Variants in ADAMTSL1 observed in about 807,000 individuals in gnomAD.
The protein encoded by ADAMTSL1 is ADAMTS like 1.
ADAMTSL1 carries 126 observed loss-of-function variants against 201.8 expected under a neutral mutation model. The ratio of observed to expected loss-of-function variants is 0.62; its 90% CI spans 0.54 to 0.72. The LOEUF (loss-of-function observed/expected upper bound fraction) is 0.72. Ranked by LOEUF, ADAMTSL1 falls within the 30% of genes least tolerant of loss-of-function variation. ADAMTSL1 has a pLI of 0.00. For synonymous variants in ADAMTSL1, 1,121 were observed against 903.4 expected, an observed-to-expected ratio of 1.24 and a Z score of -4.32; for missense variants, 2,679 against 2,277.8, an observed-to-expected ratio of 1.18 and a Z score of -3.59.
intron 1 of ADAMTSL1, among the ~76,000 whole-genome samples, chr9:17,999,730 A>G (rs991824352): frequency 2.0e-5 from 3 of 149,908 alleles, no homozygotes; most frequent in South Asian, 4.3e-4. Context: ...CATTAGGTGT[A>G]TCTCCCAATG....
At chr9:18,689,252 A>G (rs927219489) in intron 13 of ADAMTSL1, among the ~76,000 whole-genome samples, 3 of 152,170 alleles carry the variant, frequency 2.0e-5, no homozygotes, top group Non-Finnish European at 4.4e-5. Flanking sequence ...TGTATGCATA[A>G]ACATCACTAT....
At position 18,230,004 on chromosome 9, in the gene ADAMTSL1, C is replaced by A. The variant is rs188355959; in HGVS notation, c.207+66023C>A. On this transcript the variant is annotated intron_variant, in intron 2 of 29. Transcript: ENST00000680146. ...GTGCCACCGCACCCAGCCATTTAAC[C>A]AAAATTTATTGACCAATATTCCAGG... 2.0e-5 allele frequency among the ~76,000 whole-genome samples: 3 copies of A among 152,146 alleles called. No individual in the cohort carries two copies. The East Asian group carries it at 5.8e-4, about 29-fold the overall frequency.
Position 18,622,431 on chromosome 9 carries a change from C to CTGGCCCCACTA in ADAMTSL1, c.601+63_601+73dup, listed in dbSNP as rs767272348. The CTGGCCCCACTA allele has an allele frequency of 1.9e-6, 3 of 1,607,540 alleles. No individual in the cohort carries two copies. The South Asian group carries it at 3.3e-5, about 18-fold the overall frequency. On this transcript the variant is annotated intron_variant, in intron 5 of 28. Coordinates refer to ENST00000380548, the MANE Select transcript of ADAMTSL1 (RefSeq NM_001040272.6). ...TGACTTATCCTCTCCTGGCTTAGGT[C>CTGGCCCCACTA]TGGCCCCACTAAACAGCCAGGGAAC...
At chr9:17,997,707 C>T (rs1819440551) in intron 1 of ADAMTSL1, among the ~76,000 whole-genome samples, 1 of 151,918 alleles carries the variant, frequency 6.6e-6, no homozygotes, top group South Asian at 2.1e-4. Context: ...AGTAATATCT[C>T]CTGTGAAGGG....
intron 1 of ADAMTSL1, among the ~76,000 whole-genome samples, chr9:18,484,721 G>A (rs1246926112): frequency 6.6e-6 from 1 of 152,180 alleles, no homozygotes; most frequent in Non-Finnish European, 1.5e-5. Context: ...CTTTTATTAA[G>A]CAGGACTGTC....
At chr9:18,338,354 T>C (rs1260449060) in intron 2 of ADAMTSL1, among the ~76,000 whole-genome samples, 1 of 152,108 alleles carries the variant, frequency 6.6e-6, no homozygotes, top group Non-Finnish European at 1.5e-5. Flanking sequence ...TCCTTCCTAT[T>C]AGTGTCTGGT....
chr9:18,864,881 C>T (rs552499409), intron 23 of ADAMTSL1, among the ~76,000 whole-genome samples: 115 of 152,290 alleles, frequency 7.6e-4, no homozygotes, highest in African/African-American at 2.7e-3. Context: ...GGGGAACCCC[C>T]TGGTCTTTAG....
intron 2 of ADAMTSL1, among the ~76,000 whole-genome samples, chr9:18,197,985 C>T (rs1451132715): frequency 6.6e-6 from 1 of 152,056 alleles, no homozygotes; most frequent in Non-Finnish European, 1.5e-5. Flanking sequence ...TTTGACAAAC[C>T]TGAGAAAAAC....
chr9:18,121,409 A>G (rs967319022), intron 1 of ADAMTSL1, among the ~76,000 whole-genome samples: 19 of 152,168 alleles, frequency 1.2e-4, no homozygotes, highest in Non-Finnish European at 2.8e-4. Flanking sequence ...ATACCCACCC[A>G]CAATTTCATT....
intron 18 of ADAMTSL1, among the ~76,000 whole-genome samples, chr9:18,776,149 A>G (rs1820974297): frequency 6.6e-6 from 1 of 152,144 alleles, no homozygotes; most frequent in Non-Finnish European, 1.5e-5. Flanking sequence ...ACTTGCTGGC[A>G]TACAGAGATC....
intron 2 of ADAMTSL1, among the ~76,000 whole-genome samples, chr9:18,437,255 C>T (rs1193814259): frequency 1.3e-5 from 2 of 152,166 alleles, no homozygotes; most frequent in African/African-American, 4.8e-5. Flanking sequence ...GCTGCCAGAG[C>T]AGTCTTCTCT....
chr9:18,096,286 T>C (rs935325232), intron 1 of ADAMTSL1, among the ~76,000 whole-genome samples: 1 of 152,234 alleles, frequency 6.6e-6, no homozygotes, highest in African/African-American at 2.4e-5. Flanking sequence ...TGACTAAATA[T>C]AGTAATTACC....
chr9:18,587,365 A>C (rs930108447), intron 4 of ADAMTSL1, among the ~76,000 whole-genome samples: 1 of 152,180 alleles, frequency 6.6e-6, no homozygotes, highest in African/African-American at 2.4e-5. Flanking sequence ...GCTCAATATC[A>C]TTGATCATTA....
At chr9:18,904,751 T>TC (rs11378908) in intron 26 of ADAMTSL1, among the ~76,000 whole-genome samples, 4 of 147,918 alleles carry the variant, frequency 2.7e-5, no homozygotes, top group Non-Finnish European at 6.0e-5. Flanking sequence ...TTTTTTTTTT[T>TC]ACATTTACCC....
chr9:18,317,325 T>C (rs1329649581), intron 2 of ADAMTSL1, among the ~76,000 whole-genome samples: 1 of 151,966 alleles, frequency 6.6e-6, no homozygotes, highest in African/African-American at 2.4e-5. Context: ...TACAGCATGG[T>C]GACTTTTATT....
intron 4 of ADAMTSL1, among the ~76,000 whole-genome samples, chr9:18,614,786 T>C (rs1825597879): frequency 6.6e-6 from 1 of 152,134 alleles, no homozygotes; most frequent in African/African-American, 2.4e-5. Flanking sequence ...CTAATTTAAG[T>C]ATAATCAGCA....
chr9:17,958,362 C>G (rs1490820060), intron 1 of ADAMTSL1, among the ~76,000 whole-genome samples: 1 of 152,174 alleles, frequency 6.6e-6, no homozygotes, highest in African/African-American at 2.4e-5. Context: ...CTTGTAGAAA[C>G]ATTCCCTCCA....
At chr9:17,967,729 T>C (rs980028384) in intron 1 of ADAMTSL1, among the ~76,000 whole-genome samples, 33 of 152,182 alleles carry the variant, frequency 2.2e-4, no homozygotes, top group African/African-American at 8.0e-4. Context: ...AGAGGTCTTT[T>C]GTGTCCTATT....
chr9:18,867,668 C>T (rs1247476777), intron 23 of ADAMTSL1, among the ~76,000 whole-genome samples: 1 of 152,068 alleles, frequency 6.6e-6, no homozygotes, highest in Non-Finnish European at 1.5e-5. Context: ...TGCTCTGTCG[C>T]CCAGGTGGAG....
Sources: gnomAD v4.1 joint callset for allele counts (sites outside exome capture counted in the v4.1 genomes callset) on GRCh38, gnomAD v4.1.1 for gene constraint, MANE v1.5 for transcripts, NCBI Gene and HGNC (gene_info 2026-07-23, HGNC 2026-07-21) for gene names.